Variants in MAN2B1 observed in about 807,000 individuals in gnomAD.
The protein encoded by MAN2B1 is lysosomal alpha-mannosidase.
MAN2B1 carries 99 observed loss-of-function variants against 127.5 expected under a neutral mutation model. The observed-to-expected ratio is 0.78, with a 90% CI of 0.66 to 0.92. The LOEUF (loss-of-function observed/expected upper bound fraction) is 0.92. Ranked by LOEUF, MAN2B1 falls within the 40% of genes least tolerant of loss-of-function variation. MAN2B1 has a pLI of 0.00. For synonymous variants in MAN2B1, 573 were observed against 568.8 expected, an observed-to-expected ratio of 1.01 and a Z score of -0.11; for missense variants, 1,304 against 1,384.8, an observed-to-expected ratio of 0.94 and a Z score of 0.93.
rs150479159 is a variant in MAN2B1 at position 12,655,816 on chromosome 19, G to A, written c.1708C>T (p.Leu570=). Residue 570 remains leucine (L), a synonymous_variant, in exon 14 of 24, where the codon CTG becomes TTG. Transcript: ENST00000456935. ...TAGGTGCTGAAGCCCAGGGCGGGCA[G>A]TGAGGCTGAGAACAGCAGCTCCGGA... ...HPPELLFSAS[L]PALGFSTYSV... 6 of 1,613,606 alleles carry A rather than the reference G, an allele frequency of 3.7e-6. No individual in the cohort carries two copies. Among genetic ancestry groups the A allele is most frequent in the Admixed American group, 1.7e-5 (1 of 59,980 alleles).
At position 12,655,847 on chromosome 19, in the gene MAN2B1, C is replaced by T. The variant is rs762375401; in HGVS notation, c.1677G>A (p.Ala559=). ...VVIFPSSDSQ[A]HPPELLFSAS... ...CTGAGAACAGCAGCTCCGGAGGGTG[C>T]GCCTGGCTGTCTGAGCTGGGAAATA... The change falls in exon 14 of 24, where the codon GCG becomes GCA. Residue 559 remains alanine (A), a synonymous_variant. Transcript: ENST00000456935. The T allele has an allele frequency of 1.8e-5, 29 of 1,613,716 alleles. No individual in the cohort carries two copies. Among genetic ancestry groups the T allele is most frequent in the East Asian group, 2.2e-5 (1 of 44,864 alleles).
At chr19:12,648,109 G>A in intron 21 of MAN2B1, 66 bp downstream of exon 21, 1 of 1,438,810 alleles carries the variant, frequency 7.0e-7, no homozygotes, top group South Asian at 1.2e-5. Context: ...AGGAAACTCC[G>A]CACCCAAACC....
intron 7 of MAN2B1, among the ~76,000 whole-genome samples, chr19:12,659,285 G>A (rs1283590439): frequency 6.7e-6 from 1 of 149,864 alleles, no homozygotes; most frequent in Non-Finnish European, 1.5e-5. Flanking sequence ...TACACAGTAG[G>A]TGCTCAATAA....
rs1450049474 is a variant in MAN2B1, at chr19:12,657,050, G to C, written c.1426C>G (p.Leu476Val). The change falls in exon 12 of 24, where the codon CTG (leucine) becomes GTG (valine). Residue 476 changes from leucine to valine, a missense_variant. Leu to Val is a conservative substitution (Grantham distance 32). Transcript: ENST00000456935. Reference sequence around the variant, plus strand: ...CTGAGCCGCGCCAGCGCGTTGCTCAGAAGAACCTGCGGAAGAGCGCAAAGG... The same window carrying C: ...CTGAGCCGCGCCAGCGCGTTGCTCACAAGAACCTGCGGAAGAGCGCAAAGG... ...AAGWGPCEVL[L>V]SNALARLRGF... 1 of 1,606,058 alleles carries C rather than the reference G, an allele frequency of 6.2e-7. No homozygotes were observed. Among genetic ancestry groups the C allele is most frequent in the Non-Finnish European group, 8.5e-7 (1 of 1,175,968 alleles).
intron 20 of MAN2B1, 119 bp downstream of exon 20, chr19:12,649,017 C>T (rs561744476): frequency 2.2e-5 from 18 of 813,210 alleles, no homozygotes; most frequent in Non-Finnish European, 2.9e-5. Context: ...AAGAAAGAAA[C>T]GGAGTCCTCA....
At chr19:12,661,053 G>C (rs960951324) in intron 7 of MAN2B1, 7 of 503,150 alleles carry the variant, frequency 1.4e-5, no homozygotes, top group Non-Finnish European at 2.6e-5. Context: ...CATTGCGCCC[G>C]GCCTCATGCT....
intron 3 of MAN2B1, 124 bp from the exon 4 acceptor site, chr19:12,665,109 G>A (rs2024197643): frequency 1.8e-6 from 2 of 1,085,276 alleles, no homozygotes; most frequent in African/African-American, 1.5e-5. Context: ...AAGAGGGGTC[G>A]CTCCCAGGCC....
intron 6 of MAN2B1, among the ~76,000 whole-genome samples, chr19:12,662,221 A>G (rs545848586): frequency 5.3e-5 from 8 of 152,300 alleles, no homozygotes; most frequent in Non-Finnish European, 1.2e-4. Flanking sequence ...TCACACCTAT[A>G]TCCTAGCACT....
chr19:12,665,937 C>T lies in MAN2B1; in HGVS notation c.160-132G>A, dbSNP rs142257408. Reference sequence around the variant, plus strand: ...GCCTATGTGCAGAGGAGGCCAGGCCCTCCCAGGCAGGACACACACATACAT... The same window carrying T: ...GCCTATGTGCAGAGGAGGCCAGGCCTTCCCAGGCAGGACACACACATACAT... On this transcript the variant is annotated intron_variant, in intron 1 of 23. Transcript: ENST00000456935. The T allele has an allele frequency of 1.1e-3, 772 of 728,444 alleles. 2 individuals are homozygous for T. Among genetic ancestry groups the T allele is most frequent in the Non-Finnish European group, 1.4e-3 (586 of 409,202 alleles). 45.1% of individuals were successfully genotyped at this position (728,444 alleles called of 1,614,324 possible).
intron 4 of MAN2B1, among the ~76,000 whole-genome samples, chr19:12,664,306 C>T (rs1599357907): frequency 6.6e-6 from 1 of 152,224 alleles, no homozygotes. Context: ...TCAGAACTCA[C>T]CACCTTGGGC....
Position 12,652,625 on chromosome 19 carries a change from G to A in MAN2B1, c.1831-165C>T, listed in dbSNP as rs138461813. On this transcript the variant is annotated intron_variant, in intron 14 of 23. Coordinates refer to ENST00000456935, the MANE Select transcript of MAN2B1 (RefSeq NM_000528.4). ...TGGCTCACTGCACCCCCCACCTCCC[G>A]GGTTCAAGTGATTCTCGTGCCTCAG... is the stretch of plus-strand genomic sequence containing the variant. Among the ~76,000 whole-genome samples, 50 of 145,480 alleles carry A rather than the reference G, an allele frequency of 3.4e-4. No homozygotes were observed. The East Asian group carries it at 7.9e-3, about 23-fold the overall frequency.
intron 1 of MAN2B1, among the ~76,000 whole-genome samples, chr19:12,666,167 G>A (rs1217783259): frequency 2.6e-5 from 4 of 152,036 alleles, no homozygotes; most frequent in Admixed American, 2.0e-4. Flanking sequence ...CTTGCCCAAC[G>A]TCACACACTC....
chr19:12,663,385 C>T lies in MAN2B1; in HGVS notation c.841G>A (p.Asp281Asn), dbSNP rs2024153990. 1 of 1,614,012 alleles carries T rather than the reference C, an allele frequency of 6.2e-7. No individual in the cohort carries two copies. Among genetic ancestry groups the T allele is most frequent in the Non-Finnish European group, 8.5e-7 (1 of 1,179,960 alleles). The change falls in exon 6 of 24, where the codon GAC becomes AAC. Residue 281 changes from aspartate to asparagine, a missense_variant. Physicochemically the swap from Asp to Asn is conservative, Grantham distance 23 (BLOSUM62 1). Coordinates refer to ENST00000456935, the MANE Select transcript of MAN2B1 (RefSeq NM_000528.4). ...VLCVDQPLVE[D>N]PRSPEYNAKE... ...GCGTTGTACTCGGGGCTGCGAGGGT[C>T]CTCCACCAGCGGCTGATCGACACAC...
At position 12,649,933 on chromosome 19, in the gene MAN2B1, G is replaced by A. The variant is rs762877000; in HGVS notation, c.2247C>T (p.Gly749=). The part of the protein sequence containing the change: ...TKGRFYTDSN[G]REILERRRDY... ...CCCACCTCCTCTCCAGGATCTCCCG[G>A]CCATTGCTGTCTGTGTAGAAGCGTC... Residue 749 remains glycine, a synonymous_variant, in exon 18 of 24, where the codon GGC becomes GGT. Transcript: ENST00000456935. 6.2e-7 allele frequency: 1 copy of A among 1,613,052 alleles called. No individual in the cohort carries two copies. The highest frequency in any genetic ancestry group is 1.1e-5 in the South Asian group (1 of 91,020).
At chr19:12,655,640 T>C in intron 14 of MAN2B1, 54 bp downstream of exon 14, 1 of 1,571,162 alleles carries the variant, frequency 6.4e-7, no homozygotes, top group African/African-American at 1.3e-5. Flanking sequence ...CAGCTCACCA[T>C]GACACTTCAA....
Position 12,647,183 on chromosome 19 carries a change from C to T in MAN2B1, c.2923+50G>A, listed in dbSNP as rs59556856. 1.4e-3 allele frequency: 2,182 copies of T among 1,514,120 alleles called. 34 individuals are homozygous for T. In the African/African-American group the frequency reaches 0.027, roughly 19 times the overall value. The allele number at this position is 1,514,120 out of a possible 1,614,324, so 93.8% of individuals were successfully genotyped here. A position where few individuals can be genotyped will look rare whatever the true frequency, so the allele number is the denominator to read the frequency against. ...TGCCTCACACATTGCCCCCACCTGC[C>T]GGCCCCAGGTAAGACTCCACCCCTT... On this transcript the variant is annotated intron_variant, in intron 23 of 23. Transcript: ENST00000456935. This position sits in a 1 kb window ranked among gnomAD's most constrained non-coding sequence, Gnocchi z 4.9.
In MAN2B1 at chr19:12,647,057, C is replaced by T; in HGVS notation, c.2923+176G>A. The T allele has an allele frequency of 1.6e-6, 1 of 641,628 alleles. No individual in the cohort carries two copies. Among genetic ancestry groups the T allele is most frequent in the East Asian group, 2.7e-5 (1 of 36,934 alleles). The allele number at this position is 641,628 out of a possible 1,614,324, so 39.7% of individuals were successfully genotyped here. A position where few individuals can be genotyped will look rare whatever the true frequency, so the allele number is the denominator to read the frequency against. On this transcript the variant is annotated intron_variant, in intron 23 of 23. Transcript: ENST00000456935. This position sits in a 1 kb window ranked among gnomAD's most constrained non-coding sequence, Gnocchi z 4.9. ...GCACCCACAAACCTCAAGACCCATT[C>T]CTGGTTTGCCGCACCCATTTCAGAT... is the stretch of plus-strand genomic sequence containing the variant.
chr19:12,661,455 G>A lies in MAN2B1; in HGVS notation c.910-79C>T, dbSNP rs1213437306. ...ATAGCTGTGTTTTGATGTATATGGG[G>A]TCAAGGATGTTGGGTGCACAGGCAT... On this transcript the variant is annotated intron_variant, in intron 6 of 23. Transcript: ENST00000456935. 3 of 942,342 alleles carry A rather than the reference G, an allele frequency of 3.2e-6. No individual in the cohort carries two copies. The African/African-American group carries it at 4.9e-5, about 15-fold the overall frequency. 58.4% of individuals were successfully genotyped at this position (942,342 alleles called of 1,614,324 possible). A position where few individuals can be genotyped will look rare whatever the true frequency, so the allele number is the denominator to read the frequency against.
chr19:12,655,881 T>A lies in MAN2B1; in HGVS notation c.1645-2A>T, dbSNP rs891030696. 1.2e-6 allele frequency: 2 copies of A among 1,612,728 alleles called. No individual in the cohort carries two copies. The highest frequency in any genetic ancestry group is 2.7e-5 in the African/African-American group (2 of 74,598). Reference sequence around the variant, plus strand: ...GTCTGAGCTGGGAAATATTACCACCTCGGATAAAGGAGGAGGGAAACTGAG... The same window carrying A: ...GTCTGAGCTGGGAAATATTACCACCACGGATAAAGGAGGAGGGAAACTGAG... On this transcript the variant is annotated splice_acceptor_variant, in intron 13 of 23. Transcript: ENST00000456935. LOFTEE classifies it high-confidence loss of function.
Sources: allele counts gnomAD v4.1 joint callset (sites outside exome capture counted in the v4.1 genomes callset), GRCh38; gene constraint gnomAD v4.1.1; non-coding constraint Gnocchi (gnomAD v3.1); transcripts MANE v1.5; gene names NCBI Gene and HGNC (gene_info 2026-07-23, HGNC 2026-07-21).